Variants in TMEM44 observed in about 807,000 individuals in gnomAD.
TMEM44 encodes the protein transmembrane protein 44.
Under a neutral mutation model 47.8 loss-of-function variants are expected in TMEM44, and 43 were observed. That is an observed-to-expected ratio of 0.90 (90% CI 0.70 to 1.16). The LOEUF (loss-of-function observed/expected upper bound fraction) is 1.16. Among genes scored for constraint, TMEM44 ranks in the 50% most tolerant of loss-of-function variants. The pLI is 0.00. For synonymous variants in TMEM44, 277 were observed against 238.8 expected (o/e 1.16, Z -1.48); for missense variants, 568 against 555.2 (o/e 1.02, Z -0.23).
At chr3:194,599,570 A>G (rs1418971864) in intron 9 of TMEM44, among the ~76,000 whole-genome samples, 5 of 118,378 alleles carry the variant, frequency 4.2e-5, no homozygotes, top group African/African-American at 1.6e-4. Flanking sequence ...TTTTCTTTTC[A>G]TTTTCTTTTT....
intron 8 of TMEM44, among the ~76,000 whole-genome samples, chr3:194,606,201 G>C (rs1714758489): frequency 6.6e-6 from 1 of 152,130 alleles, no homozygotes; most frequent in Non-Finnish European, 1.5e-5. Context: ...TGGCCCCATG[G>C]GACCCCTCTG....
chr3:194,604,654 C>G (rs745170), intron 8 of TMEM44, among the ~76,000 whole-genome samples: 1 of 152,096 alleles, frequency 6.6e-6, no homozygotes, highest in African/African-American at 2.4e-5. Context: ...ACTCTATACA[C>G]ATACAACCAA....
chr3:194,592,534 AC>A (rs1207196207), intron 9 of TMEM44, among the ~76,000 whole-genome samples: 3 of 152,056 alleles, frequency 2.0e-5, no homozygotes, highest in Non-Finnish European at 2.9e-5. Flanking sequence ...ACTTGGGCTT[AC>A]CTGAATACCC....
At chr3:194,619,090 C>T (rs376364781) in intron 5 of TMEM44, among the ~76,000 whole-genome samples, 3 of 152,248 alleles carry the variant, frequency 2.0e-5, no homozygotes, top group Non-Finnish European at 4.4e-5. Context: ...AGGACACTGA[C>T]GGCCAGAGTG....
At chr3:194,624,319 C>T (rs1182722565) in intron 3 of TMEM44, among the ~76,000 whole-genome samples, 1 of 151,712 alleles carries the variant, frequency 6.6e-6, no homozygotes, top group African/African-American at 2.4e-5. Flanking sequence ...TAAGCCACTG[C>T]CCAGCTCTCT....
intron 9 of TMEM44, among the ~76,000 whole-genome samples, chr3:194,600,354 C>G (rs1390079088): frequency 6.6e-6 from 1 of 151,892 alleles, no homozygotes; most frequent in Non-Finnish European, 1.5e-5. Context: ...AACTCCTGAG[C>G]TCAGGCAATC....
At chr3:194,609,436 A>G (rs1372464686) in intron 8 of TMEM44, among the ~76,000 whole-genome samples, 1 of 152,182 alleles carries the variant, frequency 6.6e-6, no homozygotes, top group African/African-American at 2.4e-5. Context: ...TGAGGGTGGC[A>G]GGAAACACAG....
rs2108609267 is a variant in TMEM44 at position 194,633,255 on chromosome 3, C to T, written c.-40G>A. Reference sequence around the variant, plus strand: ...CGCGGCGCGGGGCCGGGGACCTGGGCGCAGCCTCCCTCGCCGCGGGCAAGC... The same window carrying T: ...CGCGGCGCGGGGCCGGGGACCTGGGTGCAGCCTCCCTCGCCGCGGGCAAGC... On this transcript the variant is annotated 5_prime_UTR_variant, in exon 1 of 10. Coordinates refer to ENST00000347147, the MANE Select transcript of TMEM44 (RefSeq NM_001011655.3). The T allele has an allele frequency of 5.4e-6, 6 of 1,112,098 alleles. No homozygotes were observed. The highest frequency in any genetic ancestry group is 6.7e-6 in the Non-Finnish European group (6 of 894,706). 68.9% of individuals were successfully genotyped at this position (1,112,098 alleles called of 1,614,324 possible). A position where few individuals can be genotyped will look rare whatever the true frequency, so the allele number is the denominator to read the frequency against.
At position 194,633,108 on chromosome 3, in the gene TMEM44, G is replaced by A. The variant is rs1366033396; in HGVS notation, c.108C>T (p.Ala36=). 1.3e-6 allele frequency: 2 copies of A among 1,550,442 alleles called. No homozygotes were observed. Among genetic ancestry groups the A allele is most frequent in the Non-Finnish European group, 1.7e-6 (2 of 1,147,516 alleles). ...CGTGGGCGGCGATCCAGCAGGAGGA[G>A]GCGCAGATCCACAGGCCGAAGGAGA... is the stretch of plus-strand genomic sequence containing the variant. The part of the protein sequence containing the change: ...VCISFGLWIC[A]SSCWIAAHAL... Residue 36 remains alanine (A), a synonymous_variant, in exon 1 of 10, where the codon GCC becomes GCT. Transcript: ENST00000347147.
At chr3:194,613,663 T>C (rs1034195676) in intron 7 of TMEM44, among the ~76,000 whole-genome samples, 2 of 151,000 alleles carry the variant, frequency 1.3e-5, no homozygotes, top group African/African-American at 2.4e-5. Context: ...CAGCTAATTT[T>C]TGTATTTTTA....
At position 194,623,026 on chromosome 3, in the gene TMEM44, G is replaced by C; in HGVS notation, c.612+198C>G. 12 of 487,864 alleles carry C rather than the reference G, an allele frequency of 2.5e-5. 1 individual carries two copies. The South Asian group carries it at 3.8e-4, about 15-fold the overall frequency. 30.2% of individuals were successfully genotyped at this position (487,864 alleles called of 1,614,324 possible). ...GAGAGGCTCCCGCCGTCCTCAGGAC[G>C]CCCTGGGTTGGCTGCCCACTCTCCA... On this transcript the variant is annotated intron_variant, in intron 5 of 9. Transcript: ENST00000347147.
intron 3 of TMEM44, among the ~76,000 whole-genome samples, chr3:194,624,821 C>G (rs542982378): frequency 6.6e-6 from 1 of 151,952 alleles, no homozygotes; most frequent in East Asian, 1.9e-4. Flanking sequence ...TTAAGCAATT[C>G]TCCTGCTTCA....
Position 194,611,977 on chromosome 3 carries a change from G to A in TMEM44, c.913-957C>T, listed in dbSNP as rs940973908. On this transcript the variant is annotated intron_variant, in intron 7 of 9. Transcript: ENST00000347147. This position sits in a 1 kb window ranked among gnomAD's most constrained non-coding sequence, Gnocchi z 4.2. ...GCGGAGGTTGCAGCAAGCTGAGATC[G>A]TGCCACTGCAATCCAGCCTGGACAA... is the stretch of plus-strand genomic sequence containing the variant. Among the ~76,000 whole-genome samples, 2 of 151,960 alleles carry A rather than the reference G, an allele frequency of 1.3e-5. No individual in the cohort carries two copies. Among genetic ancestry groups the A allele is most frequent in the Admixed American group, 1.3e-4 (2 of 15,246 alleles).
chr3:194,625,358 C>T (rs939112516), intron 3 of TMEM44, among the ~76,000 whole-genome samples: 5 of 152,152 alleles, frequency 3.3e-5, no homozygotes, highest in African/African-American at 1.2e-4. Flanking sequence ...CAGCCCTTCC[C>T]TCCCTCTGGC....
chr3:194,592,928 A>T, intron 9 of TMEM44: 1 of 1,322,536 alleles, frequency 7.6e-7, no homozygotes, highest in East Asian at 2.4e-5. Flanking sequence ...TTCTTTTTTT[A>T]CTGAAGGAAT....
At chr3:194,596,900 G>A (rs1577156371) in intron 9 of TMEM44, 1 of 152,308 alleles carries the variant, frequency 6.6e-6, no homozygotes, top group South Asian at 2.1e-4. Context: ...AGACATCCAG[G>A]GGAATATGCC....
intron 9 of TMEM44, among the ~76,000 whole-genome samples, chr3:194,599,586 C>CTTTTCTTTTTTTTTTT (rs770911632): frequency 2.3e-5 from 3 of 129,036 alleles, no homozygotes; most frequent in Non-Finnish European, 3.2e-5. Context: ...TTTTTCTTTT[C>CTTTTCTTTTTTTTTTT]TTTTTTTTTT....
chr3:194,594,165 A>ATCTC (rs766929721), intron 9 of TMEM44, among the ~76,000 whole-genome samples: 34 of 76,546 alleles, frequency 4.4e-4, no homozygotes, highest in Middle Eastern at 6.0e-3. Context: ...CTATCTATCT[A>ATCTC]TATCTATCTA....
intron 9 of TMEM44, among the ~76,000 whole-genome samples, chr3:194,600,564 T>C (rs751854057): frequency 3.9e-5 from 6 of 151,974 alleles, no homozygotes; most frequent in Non-Finnish European, 7.4e-5. Flanking sequence ...TTGGCCAACA[T>C]GGTGAAACCT....
Sources: allele counts gnomAD v4.1 joint callset (sites outside exome capture counted in the v4.1 genomes callset), GRCh38; gene constraint gnomAD v4.1.1; non-coding constraint Gnocchi (gnomAD v3.1); transcripts MANE v1.5; gene names NCBI Gene and HGNC (gene_info 2026-07-23, HGNC 2026-07-21).